The following ALPK3 variants were observed in gnomAD, a reference collection of about 807,000 sequenced individuals.
ALPK3 encodes alpha-protein kinase 3.
In ALPK3, 102 loss-of-function variants were observed where a neutral mutation model predicts 140.0. The ratio of observed to expected loss-of-function variants is 0.73; its 90% CI spans 0.62 to 0.86. ALPK3 has a LOEUF of 0.86. ALPK3 is among the 40% of genes least tolerant of loss of function. The pLI, the probability that ALPK3 is intolerant of heterozygous loss-of-function variation, is 0.00. For missense variants in ALPK3, 2,254 were observed against 2,208.2 expected, an observed-to-expected ratio of 1.02 and a Z score of -0.42; for synonymous variants, 938 against 898.5, an observed-to-expected ratio of 1.04 and a Z score of -0.79.
chr15:84,821,497 T>C (rs1963422399), intron 1 of ALPK3, among the ~76,000 whole-genome samples: 1 of 152,230 alleles, frequency 6.6e-6, no homozygotes, highest in African/African-American at 2.4e-5. Context: ...CAGGAAAGGA[T>C]GGAGTTGGCC....
At chr15:84,867,424 C>G in intron 13 of ALPK3, 59 bp downstream of exon 13, 2 of 1,590,994 alleles carry the variant, frequency 1.3e-6, no homozygotes, top group Admixed American at 3.3e-5. Flanking sequence ...GTAAAATGTC[C>G]TAAGCCCTTC....
At chr15:84,853,396 T>G (rs1963827793) in intron 5 of ALPK3, among the ~76,000 whole-genome samples, 1 of 152,030 alleles carries the variant, frequency 6.6e-6, no homozygotes, top group Non-Finnish European at 1.5e-5. Context: ...GTAGATCATT[T>G]GAGGCCAGGA....
chr15:84,858,290 A>G lies in ALPK3; in HGVS notation c.3552A>G (p.Glu1184=), dbSNP rs1567094183. 6.3e-7 allele frequency: 1 copy of G among 1,581,126 alleles called. No homozygotes were observed. Among genetic ancestry groups the G allele is most frequent in the Non-Finnish European group, 8.6e-7 (1 of 1,163,550 alleles). Residue 1184 remains glutamate, a synonymous_variant, in exon 6 of 14, where the codon GAA becomes GAG. Coordinates refer to ENST00000258888, the MANE Select transcript of ALPK3 (RefSeq NM_020778.5). ...AAGDGEATTP[E]ERESPTVSPR... ...GAGACGGGGAGGCAACCACACCTGA[A>G]GAAAGGGAGAGCCCCACGGTTTCCC...
intron 3 of ALPK3, among the ~76,000 whole-genome samples, chr15:84,830,883 G>T (rs955024284): frequency 4.0e-5 from 6 of 151,630 alleles, no homozygotes; most frequent in Non-Finnish European, 8.8e-5. Flanking sequence ...GTGTGTGTAT[G>T]TGTGTGTGTG....
chr15:84,862,508 G>A (rs1250265801), intron 9 of ALPK3, 127 bp from the exon 10 acceptor site: 35 of 1,173,848 alleles, frequency 3.0e-5, no homozygotes, highest in African/African-American at 4.6e-5. Context: ...AAGAGCAGGC[G>A]TGGACGGAAA....
rs754664653 is a variant in ALPK3, at chr15:84,856,889, C to T, written c.2151C>T (p.Pro717=). The change falls in exon 6 of 14, where the codon CCC becomes CCT. Residue 717 remains proline (P), a synonymous_variant. Transcript: ENST00000258888. Reference sequence around the variant, plus strand: ...GGACGCAGTCAGAGGGGAGCGCGCCCACAGCCATGGAAGGTCAGTCTGAGC... The same window carrying T: ...GGACGCAGTCAGAGGGGAGCGCGCCTACAGCCATGGAAGGTCAGTCTGAGC... ...EKGTQSEGSA[P]TAMEGQSEQE... The T allele has an allele frequency of 6.2e-7, 1 of 1,613,960 alleles. No individual in the cohort carries two copies. Among genetic ancestry groups the T allele is most frequent in the Non-Finnish European group, 8.5e-7 (1 of 1,179,982 alleles).
chr15:84,839,251 G>A (rs1188798877), intron 4 of ALPK3, among the ~76,000 whole-genome samples, 154 bp downstream of exon 4: 1 of 152,228 alleles, frequency 6.6e-6, no homozygotes, highest in Non-Finnish European at 1.5e-5. Flanking sequence ...ACCACCTGGT[G>A]AACCACATCT....
At chr15:84,842,976 G>C (rs534057831) in intron 5 of ALPK3, among the ~76,000 whole-genome samples, 3 of 152,338 alleles carry the variant, frequency 2.0e-5, no homozygotes, top group African/African-American at 7.2e-5. Context: ...GACCAGGCTG[G>C]TGGCCAAGTG....
At chr15:84,860,183 C>A in intron 9 of ALPK3, 111 bp downstream of exon 9, 1 of 1,334,554 alleles carries the variant, frequency 7.5e-7, no homozygotes, top group Non-Finnish European at 1.1e-6. Flanking sequence ...CTCCTCTTTG[C>A]CTCTTAGTTT....
rs773954985 is a variant in ALPK3 at position 84,840,883 on chromosome 15, C to G, written c.1604C>G (p.Thr535Ser). Residue 535 changes from threonine to serine, a missense_variant, in exon 5 of 14, where the codon ACC (threonine) becomes AGC (serine). By Grantham distance (58) the Thr-to-Ser change is moderately conservative (BLOSUM62 1). Coordinates refer to ENST00000258888, the MANE Select transcript of ALPK3 (RefSeq NM_020778.5). ...CCCCCTGCCCGGCGGAGACATGGCACCCGGGACAGCACGTTGCAGGGGCAA... is the reference window on the plus strand; with the variant it reads ...CCCCCTGCCCGGCGGAGACATGGCAGCCGGGACAGCACGTTGCAGGGGCAA... ...PTPPARRRHGTRDSTLQGQAG... is the reference protein window; with the variant it reads ...PTPPARRRHGSRDSTLQGQAG... 1.2e-6 allele frequency: 2 copies of G among 1,613,216 alleles called. No homozygotes were observed. Among genetic ancestry groups the G allele is most frequent in the Non-Finnish European group, 1.7e-6 (2 of 1,179,662 alleles).
intron 5 of ALPK3, among the ~76,000 whole-genome samples, chr15:84,854,745 C>T (rs1342623694): frequency 1.3e-5 from 2 of 152,180 alleles, no homozygotes; most frequent in Non-Finnish European, 2.9e-5. Context: ...GAAGTTTCTT[C>T]CCCTTTCCAC....
Position 84,858,163 on chromosome 15 carries a change from A to G in ALPK3, c.3425A>G (p.Lys1142Arg). 2 of 1,609,528 alleles carry G rather than the reference A, an allele frequency of 1.2e-6. No homozygotes were observed. Among genetic ancestry groups the G allele is most frequent in the Non-Finnish European group, 1.7e-6 (2 of 1,178,368 alleles). ...SIAQEPSQEE[K>R]FPGEALTGLP... is the part of the protein sequence containing the mutation. ...GCCCAGGAGCCCTCCCAAGAGGAGA[A>G]GTTCCCAGGGGAGGCTCTGACAGGT... The change falls in exon 6 of 14, where the codon AAG becomes AGG. Residue 1142 changes from lysine (K) to arginine (R), a missense_variant. Physicochemically the swap from Lys to Arg is conservative, Grantham distance 26. This residue lies in a region of ALPK3 where 2,088 missense variants were observed against 2,022.9 expected (regional missense o/e 1.03). Transcript: ENST00000258888.
At chr15:84,827,372 T>C in intron 2 of ALPK3, 112 bp from the exon 3 acceptor site, 1 of 1,490,106 alleles carries the variant, frequency 6.7e-7, no homozygotes, top group East Asian at 2.3e-5. Context: ...GCTGCAGCTC[T>C]GGCCACAGGA....
At chr15:84,860,344 C>T (rs919656892) in intron 9 of ALPK3, among the ~76,000 whole-genome samples, 8 of 152,276 alleles carry the variant, frequency 5.3e-5, no homozygotes, top group Non-Finnish European at 8.8e-5. Flanking sequence ...AACCGGCCAC[C>T]AGGGCATGTC....
rs534436339 is a variant in ALPK3, at chr15:84,849,552, A to G, written c.1654-6840A>G. Among the ~76,000 whole-genome samples the G allele has an allele frequency of 3.9e-5, 6 of 152,366 alleles. No homozygotes were observed. The South Asian group carries it at 1.0e-3, about 26-fold the overall frequency. On this transcript the variant is annotated intron_variant, in intron 5 of 13. Coordinates refer to ENST00000258888, the MANE Select transcript of ALPK3 (RefSeq NM_020778.5). ...TAACAAATGTGAAGTAATTGAAATAATACAAAGTATGTACTCTGACCAAAA... is the reference window on the plus strand; with the variant it reads ...TAACAAATGTGAAGTAATTGAAATAGTACAAAGTATGTACTCTGACCAAAA...
At chr15:84,842,892 C>G (rs1264669594) in intron 5 of ALPK3, among the ~76,000 whole-genome samples, 1 of 152,192 alleles carries the variant, frequency 6.6e-6, no homozygotes, top group Non-Finnish European at 1.5e-5. Flanking sequence ...ACATGCCTGA[C>G]AGCCCACAGG....
intron 9 of ALPK3, among the ~76,000 whole-genome samples, chr15:84,860,912 G>A (rs1963937049): frequency 6.6e-6 from 1 of 152,182 alleles, no homozygotes; most frequent in Non-Finnish European, 1.5e-5. Flanking sequence ...TAGTAGAGAT[G>A]GGTTTCACTA....
chr15:84,824,115 G>A (rs1400352704), intron 2 of ALPK3, among the ~76,000 whole-genome samples: 1 of 152,180 alleles, frequency 6.6e-6, no homozygotes, highest in Non-Finnish European at 1.5e-5. Context: ...TTTTTCTGCA[G>A]TCATTTAAGT....
Position 84,864,524 on chromosome 15 carries a change from G to T in ALPK3, c.4582G>T (p.Glu1528Ter). Reference sequence around the variant, plus strand: ...GGAGGAAGACCTGGGCAAGCCCCTGGAGTCTTACTGTTCTCGGGAATGGGG... The same window carrying T: ...GGAGGAAGACCTGGGCAAGCCCCTGTAGTCTTACTGTTCTCGGGAATGGGG... ...TLEEDLGKPLESYCSREWGCA... is the reference protein window; with the variant it reads ...TLEEDLGKPL The change falls in exon 12 of 14, where the codon GAG becomes TAG. Residue 1528 changes from glutamate to a stop codon, truncating the protein, a stop_gained. Coordinates refer to ENST00000258888, the MANE Select transcript of ALPK3 (RefSeq NM_020778.5). LOFTEE classifies it high-confidence loss of function. 1 of 1,614,180 alleles carries T rather than the reference G, an allele frequency of 6.2e-7. No homozygotes were observed. Among genetic ancestry groups the T allele is most frequent in the South Asian group, 1.1e-5 (1 of 91,078 alleles).
Sources: gnomAD v4.1 joint callset for allele counts (sites outside exome capture counted in the v4.1 genomes callset) on GRCh38, gnomAD v4.1.1 for gene constraint, gnomAD v4.1.1 regional missense constraint, MANE v1.5 for transcripts, NCBI Gene and HGNC (gene_info 2026-07-23, HGNC 2026-07-21) for gene names.